SYCP2: variants seen among roughly 807,000 people sequenced by gnomAD.
SYCP2 encodes the protein synaptonemal complex lateral element protein.
SYCP2 carries 55 observed loss-of-function variants against 211.3 expected under a neutral mutation model. The ratio of observed to expected loss-of-function variants is 0.26; its 90% CI spans 0.21 to 0.33. The LOEUF is 0.33. Ranked by LOEUF, SYCP2 falls within the 10% of genes least tolerant of loss-of-function variation. The pLI is 1.00. For synonymous variants in SYCP2, 570 were observed against 555.2 expected (o/e 1.03, Z -0.37); for missense variants, 1,731 against 1,752.0 (o/e 0.99, Z 0.21).
intron 5 of SYCP2, among the ~76,000 whole-genome samples, 159 bp from the exon 6 acceptor site, chr20:59,919,756 GT>G (rs573768688): frequency 5.3e-5 from 8 of 150,238 alleles, no homozygotes; most frequent in South Asian, 4.2e-4. Context: ...GATCTTCCTT[GT>G]TTTTTTTTAA....
intron 39 of SYCP2, among the ~76,000 whole-genome samples, chr20:59,867,279 C>T (rs982458262): frequency 2.0e-5 from 3 of 151,478 alleles, no homozygotes; most frequent in Non-Finnish European, 4.4e-5. Flanking sequence ...CATTATCTCA[C>T]TGGAACCTCA....
rs2059989216 is a variant in SYCP2, at chr20:59,895,407, A to AT, written c.1665+29dup. On this transcript the variant is annotated intron_variant, in intron 20 of 44. Coordinates refer to ENST00000357552, the MANE Select transcript of SYCP2 (RefSeq NM_014258.4). The stretch of plus-strand genomic sequence containing the variant: ...TATTTCCACAATTACTTGAAAAAAT[A>AT]TTTTTAAAATACTTTCAAGGTAAAG... The AT allele has an allele frequency of 1.9e-6, 3 of 1,556,740 alleles. No individual in the cohort carries two copies. In the Admixed American group the frequency reaches 5.9e-5, roughly 31 times the overall value.
intron 16 of SYCP2, 116 bp downstream of exon 16, chr20:59,901,546 A>G: frequency 1.6e-6 from 1 of 634,580 alleles, no homozygotes; most frequent in South Asian, 2.7e-5. Context: ...AAATTTAAAG[A>G]ACTAAAATCT....
chr20:59,907,544 G>A (rs1832520875), intron 14 of SYCP2, 120 bp from the exon 15 acceptor site: 2 of 702,572 alleles, frequency 2.8e-6, no homozygotes, highest in South Asian at 3.8e-5. Context: ...TAAGTAACTA[G>A]TTTATATAAC....
At chr20:59,886,305 A>C (rs1440089556) in intron 25 of SYCP2, among the ~76,000 whole-genome samples, 3 of 151,882 alleles carry the variant, frequency 2.0e-5, no homozygotes, top group Admixed American at 1.3e-4. Flanking sequence ...GTAATAAACA[A>C]TCTTTGGAAA....
At chr20:59,900,627 T>TA (rs1244818117) in intron 17 of SYCP2, 117 bp downstream of exon 17, 2 of 714,954 alleles carry the variant, frequency 2.8e-6, no homozygotes, top group East Asian at 2.7e-5. Context: ...GGGTACTGTT[T>TA]ATATTGAGAC....
intron 15 of SYCP2, among the ~76,000 whole-genome samples, chr20:59,907,108 C>T (rs1358505844): frequency 6.6e-6 from 1 of 151,978 alleles, no homozygotes; most frequent in Non-Finnish European, 1.5e-5. Flanking sequence ...AGGTCAGGAG[C>T]CTTAAACATA....
intron 2 of SYCP2, among the ~76,000 whole-genome samples, chr20:59,925,299 A>C (rs1036921535): frequency 5.3e-5 from 8 of 152,028 alleles, no homozygotes; most frequent in African/African-American, 1.9e-4. Flanking sequence ...GCAGCAAACC[A>C]CCATGACACA....
intron 24 of SYCP2, among the ~76,000 whole-genome samples, chr20:59,889,043 T>C (rs1057427076): frequency 6.6e-6 from 1 of 152,032 alleles, no homozygotes; most frequent in Non-Finnish European, 1.5e-5. Context: ...AAGATGTCAG[T>C]TCTTCCTAAC....
At chr20:59,909,582 A>G (rs1378262338) in intron 14 of SYCP2, among the ~76,000 whole-genome samples, 1 of 152,218 alleles carries the variant, frequency 6.6e-6, no homozygotes, top group Non-Finnish European at 1.5e-5. Flanking sequence ...CATACGTGAC[A>G]CATAGTTCTC....
At chr20:59,869,751 A>G (rs1336879075) in intron 36 of SYCP2, 47 bp downstream of exon 36, 16 of 1,139,168 alleles carry the variant, frequency 1.4e-5, no homozygotes, top group South Asian at 3.1e-5. Flanking sequence ...TCTTATAAGA[A>G]CCATCTTAGT....
At chr20:59,869,377 G>A (rs1451862801) in intron 36 of SYCP2, among the ~76,000 whole-genome samples, 1 of 151,622 alleles carries the variant, frequency 6.6e-6, no homozygotes, top group East Asian at 1.9e-4. Context: ...CTTAGGTCTA[G>A]CTCAAATCGC....
rs769380489 is a variant in SYCP2, at chr20:59,893,625, TTAAGA to T, written c.1666-37_1666-33del. The T allele has an allele frequency of 2.0e-6, 3 of 1,519,382 alleles. No individual in the cohort carries two copies. In the South Asian group the frequency reaches 3.6e-5, roughly 18 times the overall value. 94.1% of individuals were successfully genotyped at this position (1,519,382 alleles called of 1,614,324 possible). A position where few individuals can be genotyped will look rare whatever the true frequency, so the allele number is the denominator to read the frequency against. On this transcript the variant is annotated intron_variant, in intron 20 of 44. Coordinates refer to ENST00000357552, the MANE Select transcript of SYCP2 (RefSeq NM_014258.4). ...ACACAGGAAACAGGTTAACGTAAAC[TTAAGA>T]TGTTATATGAAAACCTAAATGTTAC...
In SYCP2 at chr20:59,869,916, G is replaced by A. The variant is rs1290682592; in HGVS notation, c.3623C>T (p.Thr1208Ile). 6.2e-7 allele frequency: 1 copy of A among 1,605,670 alleles called. No homozygotes were observed. The highest frequency in any genetic ancestry group is 8.5e-7 in the Non-Finnish European group (1 of 1,174,208). ...GCTGTTACTGTTTTGTGTTTCTTGTGTAAGTACCAGAGAACTTATTTTTTT... is the reference window on the plus strand; with the variant it reads ...GCTGTTACTGTTTTGTGTTTCTTGTATAAGTACCAGAGAACTTATTTTTTT... ...NRKKISSLVLTQETQNSNSYS... is the reference protein window; with the variant it reads ...NRKKISSLVLIQETQNSNSYS... The change falls in exon 36 of 45, where the codon ACA becomes ATA. Residue 1208 changes from threonine (T) to isoleucine (I), a missense_variant. By Grantham distance (89) the Thr-to-Ile change is moderately conservative. Around this residue, in one of 3 missense-constraint regions of SYCP2, gnomAD observed 1,387 missense variants for 1,351.3 expected, o/e 1.03. Coordinates refer to ENST00000357552, the MANE Select transcript of SYCP2 (RefSeq NM_014258.4).
intron 13 of SYCP2, 72 bp from the exon 14 acceptor site, chr20:59,911,917 T>C: frequency 1.5e-6 from 1 of 666,926 alleles, no homozygotes; most frequent in South Asian, 3.4e-5. Flanking sequence ...GATGTTATAT[T>C]CATGGCTAAA....
intron 14 of SYCP2, among the ~76,000 whole-genome samples, chr20:59,909,531 G>A (rs1177335166): frequency 3.9e-5 from 6 of 152,074 alleles, no homozygotes; most frequent in Admixed American, 6.5e-5. Context: ...TCCCCTACCA[G>A]GGGGGATCTT....
chr20:59,894,738 C>T (rs1436792532), intron 20 of SYCP2, among the ~76,000 whole-genome samples: 1 of 152,014 alleles, frequency 6.6e-6, no homozygotes, highest in Admixed American at 6.6e-5. Flanking sequence ...CATCTTCACA[C>T]TTCAGAAAAA....
chr20:59,885,972 A>C lies in SYCP2; in HGVS notation c.2493-8T>G. ...GGTTTGTTTGAAAAACCACTGTAAA[A>C]AAAGATTTTGTCAAAATTGAAAAAG... is the stretch of plus-strand genomic sequence containing the variant. On this transcript the variant is annotated splice_region_variant and splice_polypyrimidine_tract_variant and intron_variant, in intron 25 of 44. Coordinates refer to ENST00000357552, the MANE Select transcript of SYCP2 (RefSeq NM_014258.4). 6.3e-7 allele frequency: 1 copy of C among 1,598,596 alleles called. No individual in the cohort carries two copies. The highest frequency in any genetic ancestry group is 1.1e-5 in the South Asian group (1 of 88,284).
At chr20:59,866,613 TA>T in intron 39 of SYCP2, 24 bp from the exon 40 acceptor site, 2 of 1,494,030 alleles carry the variant, frequency 1.3e-6, no homozygotes, top group East Asian at 2.3e-5. Flanking sequence ...ATTTTTAAGT[TA>T]AAATATCTTT....
Sources: allele counts gnomAD v4.1 joint callset (sites outside exome capture counted in the v4.1 genomes callset), GRCh38; gene constraint gnomAD v4.1.1; regional missense constraint gnomAD v4.1.1; transcripts MANE v1.5; gene names NCBI Gene and HGNC (gene_info 2026-07-23, HGNC 2026-07-21).